PXDN: variants seen among roughly 807,000 people sequenced by gnomAD.
PXDN encodes peroxidasin homolog.
A neutral mutation model predicts 140.3 loss-of-function variants in PXDN; 77 were observed. That is an observed-to-expected ratio of 0.55 (90% CI 0.46 to 0.66). The LOEUF is 0.66. Ranked by LOEUF, PXDN falls within the 30% of genes least tolerant of loss-of-function variation. PXDN has a pLI of 0.00. For synonymous variants in PXDN, 911 were observed against 857.4 expected (o/e 1.06, Z -1.09); for missense variants, 1,838 against 2,039.5 (o/e 0.90, Z 1.90).
At chr2:1,663,827 T>G in intron 11 of PXDN, 64 bp from the exon 12 acceptor site, 1 of 1,567,942 alleles carries the variant, frequency 6.4e-7, no homozygotes, top group Non-Finnish European at 8.6e-7. Flanking sequence ...GCTCTCAGAC[T>G]GACAGCATGA....
At chr2:1,733,395 G>A (rs1254664614) in intron 1 of PXDN, among the ~76,000 whole-genome samples, 1 of 152,086 alleles carries the variant, frequency 6.6e-6, no homozygotes, top group African/African-American at 2.4e-5. Flanking sequence ...GTACTGACAC[G>A]ATATGGGTGT....
At position 1,684,144 on chromosome 2, in the gene PXDN, G is replaced by A. The variant is rs757991780; in HGVS notation, c.424C>T (p.His142Tyr). Reference protein sequence around the residue: ...GLASLEQLYLHFNQIETLDPD... With the variant: ...GLASLEQLYLYFNQIETLDPD... ...TCCAAAGTTTCTATCTGATTAAAGTGCAGGTATCTAGAGGAGTTAAAAGAA... is the reference window on the plus strand; with the variant it reads ...TCCAAAGTTTCTATCTGATTAAAGTACAGGTATCTAGAGGAGTTAAAAGAA... Residue 142 changes from histidine to tyrosine, a missense_variant, in exon 5 of 23, where the codon CAC becomes TAC. By Grantham distance (83) the His-to-Tyr change is moderately conservative (BLOSUM62 2). Coordinates refer to ENST00000252804, the MANE Select transcript of PXDN (RefSeq NM_012293.3). The A allele has an allele frequency of 6.3e-7, 1 of 1,580,676 alleles. No individual in the cohort carries two copies. The highest frequency in any genetic ancestry group is 8.6e-7 in the Non-Finnish European group (1 of 1,162,226).
At chr2:1,722,538 G>A (rs1685077546) in intron 1 of PXDN, among the ~76,000 whole-genome samples, 1 of 152,216 alleles carries the variant, frequency 6.6e-6, no homozygotes, top group Admixed American at 6.5e-5. Flanking sequence ...ATAACCAGTT[G>A]AAAAAGACTG....
At chr2:1,704,417 C>A (rs1346008245) in intron 1 of PXDN, among the ~76,000 whole-genome samples, 1 of 42,462 alleles carries the variant, frequency 2.4e-5, no homozygotes, top group Non-Finnish European at 3.9e-5. Flanking sequence ...TGAAGGAGGG[C>A]AACTCCAGGT....
At chr2:1,702,042 A>T (rs1684447914) in intron 1 of PXDN, among the ~76,000 whole-genome samples, 1 of 152,126 alleles carries the variant, frequency 6.6e-6, no homozygotes, top group Non-Finnish European at 1.5e-5. Context: ...AGACGCCTGA[A>T]CGGAGTAAGA....
chr2:1,673,538 G>T, intron 9 of PXDN, 105 bp downstream of exon 9: 1 of 1,427,110 alleles, frequency 7.0e-7, no homozygotes, highest in East Asian at 2.3e-5. Context: ...TTCAACTTCA[G>T]ACTTCAATGT....
intron 4 of PXDN, among the ~76,000 whole-genome samples, chr2:1,684,729 T>A (rs979337143): frequency 6.6e-6 from 1 of 152,274 alleles, no homozygotes; most frequent in African/African-American, 2.4e-5. Flanking sequence ...TCGTTGATTG[T>A]ACAGAATACC....
intron 9 of PXDN, chr2:1,672,200 G>C (rs1572146114): frequency 6.6e-6 from 1 of 152,140 alleles, no homozygotes; most frequent in Non-Finnish European, 1.5e-5. Context: ...ACACCCACAT[G>C]CTCAGACTAG....
chr2:1,677,877 T>C (rs1006652250), intron 7 of PXDN, among the ~76,000 whole-genome samples: 9 of 152,214 alleles, frequency 5.9e-5, no homozygotes, highest in Non-Finnish European at 1.3e-4. Flanking sequence ...CACACAGGTG[T>C]GTACAAGTGA....
chr2:1,649,120 C>A lies in PXDN; in HGVS notation c.2660G>T (p.Ser887Ile). The change falls in exon 17 of 23, where the codon AGC (serine) becomes ATC (isoleucine). Residue 887 changes from serine (S) to isoleucine (I), a missense_variant. Physicochemically the swap from Ser to Ile is moderately radical, Grantham distance 142. Around this residue, in one of 5 missense-constraint regions of PXDN, gnomAD observed 850 missense variants for 894.1 expected, o/e 0.95. Coordinates refer to ENST00000252804, the MANE Select transcript of PXDN (RefSeq NM_012293.3). The surrounding 1 kb of genome is among the most constrained non-coding windows in gnomAD (Gnocchi z 7.1). ...GTTCATGAGCAGCGAAGTCATGCCG[C>A]TGCCGCACACAGGGCTGGAGCGCAC... is the stretch of plus-strand genomic sequence containing the variant. ...FFVRSSPVCG[S>I]GMTSLLMNSV... 1 of 1,612,826 alleles carries A rather than the reference C, an allele frequency of 6.2e-7. No individual in the cohort carries two copies. The highest frequency in any genetic ancestry group is 8.5e-7 in the Non-Finnish European group (1 of 1,179,856).
rs753613364 is a variant in PXDN at position 1,639,919 on chromosome 2, C to T, written c.3953-497G>A. Among the ~76,000 whole-genome samples, 1 of 152,248 alleles carries T rather than the reference C, an allele frequency of 6.6e-6. No homozygotes were observed. Among genetic ancestry groups the T allele is most frequent in the African/African-American group, 2.4e-5 (1 of 41,474 alleles). Reference sequence around the variant, plus strand: ...CTGCTTCTCCTGAATGTAGCCCAAACACCTCCCTGCCTAGGAGTGGCTTCC... The same window carrying T: ...CTGCTTCTCCTGAATGTAGCCCAAATACCTCCCTGCCTAGGAGTGGCTTCC... On this transcript the variant is annotated intron_variant, in intron 19 of 22. Coordinates refer to ENST00000252804, the MANE Select transcript of PXDN (RefSeq NM_012293.3). The surrounding 1 kb of genome is among the most constrained non-coding windows in gnomAD (Gnocchi z 5.0).
In PXDN at chr2:1,651,612, G is replaced by T. The variant is rs1288266369; in HGVS notation, c.2105-1937C>A. On this transcript the variant is annotated intron_variant, in intron 16 of 22. Coordinates refer to ENST00000252804, the MANE Select transcript of PXDN (RefSeq NM_012293.3). This position sits in a 1 kb window ranked among gnomAD's most constrained non-coding sequence, Gnocchi z 4.4. ...TTTCCAGCCACAGTGACCACCTGCT[G>T]TTCCACTATGCTCCAACGTGCCCCA... is the stretch of plus-strand genomic sequence containing the variant. Among the ~76,000 whole-genome samples the T allele has an allele frequency of 6.6e-6, 1 of 152,168 alleles. No individual in the cohort carries two copies. Among genetic ancestry groups the T allele is most frequent in the Non-Finnish European group, 1.5e-5 (1 of 68,046 alleles).
chr2:1,687,186 T>G lies in PXDN; in HGVS notation c.416+446A>C, dbSNP rs529445706. On this transcript the variant is annotated intron_variant, in intron 4 of 22. Coordinates refer to ENST00000252804, the MANE Select transcript of PXDN (RefSeq NM_012293.3). This position sits in a 1 kb window ranked among gnomAD's most constrained non-coding sequence, Gnocchi z 4.0. The stretch of plus-strand genomic sequence containing the variant: ...ATAATGTCACCACAATTGAAGAAAT[T>G]CAGCTTCATGTGTTCACAGTCATAA... Among the ~76,000 whole-genome samples, 20 of 152,322 alleles carry G rather than the reference T, an allele frequency of 1.3e-4. No individual in the cohort carries two copies. Among genetic ancestry groups the G allele is most frequent in the African/African-American group, 4.8e-4 (20 of 41,572 alleles).
rs1325565393 is a variant in PXDN at position 1,680,273 on chromosome 2, T to C, written c.650A>G (p.Gln217Arg). The stretch of plus-strand genomic sequence containing the variant: ...GGGATATTCACAGATGGCCGCTGCC[T>C]GCGCGTTCCCCGACTCCGCGTAGGT... ...LKTYAESGNA[Q>R]AAAICEYPRR... Residue 217 changes from glutamine to arginine, a missense_variant, in exon 7 of 23, where the codon CAG (glutamine) becomes CGG (arginine). Around this residue, in one of 5 missense-constraint regions of PXDN, gnomAD observed 208 missense variants for 325.8 expected, o/e 0.64. Transcript: ENST00000252804. 5.0e-6 allele frequency: 8 copies of C among 1,613,776 alleles called. No homozygotes were observed. The highest frequency in any genetic ancestry group is 1.1e-5 in the South Asian group (1 of 91,048).
intron 1 of PXDN, among the ~76,000 whole-genome samples, chr2:1,693,982 G>A (rs760000786): frequency 2.3e-4 from 35 of 152,230 alleles, no homozygotes; most frequent in Admixed American, 9.8e-4. Flanking sequence ...ATGCAGAGGC[G>A]TCGGCTCTAC....
intron 1 of PXDN, among the ~76,000 whole-genome samples, chr2:1,742,038 C>G (rs1267822693): frequency 6.6e-6 from 1 of 152,124 alleles, no homozygotes; most frequent in East Asian, 1.9e-4. Flanking sequence ...TGCCTAGGTC[C>G]GCACAGCTAC....
chr2:1,646,607 T>C (rs918453773), intron 17 of PXDN, among the ~76,000 whole-genome samples: 1 of 152,204 alleles, frequency 6.6e-6, no homozygotes, highest in African/African-American at 2.4e-5. Context: ...GTTCATTTAG[T>C]CATAACTTAC....
At position 1,639,497 on chromosome 2, in the gene PXDN, C is replaced by T. The variant is rs1682663910; in HGVS notation, c.3953-75G>A. ...GGGGAAATTAAGCACATCCTGCCAA[C>T]TATGAAGTCTTCACTGGCTGCCCGT... is the stretch of plus-strand genomic sequence containing the variant. On this transcript the variant is annotated intron_variant, in intron 19 of 22. Coordinates refer to ENST00000252804, the MANE Select transcript of PXDN (RefSeq NM_012293.3). This position sits in a 1 kb window ranked among gnomAD's most constrained non-coding sequence, Gnocchi z 5.0. The T allele has an allele frequency of 1.3e-6, 2 of 1,598,410 alleles. No homozygotes were observed. Among genetic ancestry groups the T allele is most frequent in the African/African-American group, 2.7e-5 (2 of 74,612 alleles).
chr2:1,738,047 A>G (rs10199223), intron 1 of PXDN, among the ~76,000 whole-genome samples: 109,344 of 152,010 alleles, frequency 0.72, 39,656 homozygotes, highest in East Asian at 0.95. Flanking sequence ...CTTGATCCTG[A>G]GGAGCTACTG....
Sources: gnomAD v4.1 joint callset for allele counts (sites outside exome capture counted in the v4.1 genomes callset) on GRCh38, gnomAD v4.1.1 for gene constraint, gnomAD v4.1.1 regional missense constraint, Gnocchi (gnomAD v3.1) non-coding constraint, MANE v1.5 for transcripts, NCBI Gene and HGNC (gene_info 2026-07-23, HGNC 2026-07-21) for gene names.